NARS2: variants seen among roughly 807,000 people sequenced by gnomAD.
NARS2 encodes the protein asparaginyl-tRNA synthetase.
NARS2 carries 60 observed loss-of-function variants against 62.9 expected under a neutral mutation model. That is an observed-to-expected ratio of 0.95 (90% CI 0.77 to 1.18). The LOEUF is 1.18. NARS2 is among the 50% of genes most tolerant of loss of function. NARS2 has a pLI of 0.00. For synonymous variants in NARS2, 196 were observed against 200.0 expected, an observed-to-expected ratio of 0.98 and a Z score of 0.17; for missense variants, 619 against 576.4, an observed-to-expected ratio of 1.07 and a Z score of -0.76.
chr11:78,492,701 C>T (rs1031407804), intron 7 of NARS2, among the ~76,000 whole-genome samples: 1 of 152,134 alleles, frequency 6.6e-6, no homozygotes, highest in African/African-American at 2.4e-5. Context: ...ATTTAGTGAA[C>T]CTGCTTGTGT....
intron 5 of NARS2, among the ~76,000 whole-genome samples, chr11:78,551,283 C>T (rs528744712): frequency 5.9e-5 from 9 of 152,254 alleles, no homozygotes; most frequent in South Asian, 2.1e-4. Flanking sequence ...TTTACACAGA[C>T]GGGGTATAGC....
chr11:78,436,942 C>T (rs1396031313), intron 13 of NARS2, 128 bp from the exon 14 acceptor site: 1 of 858,830 alleles, frequency 1.2e-6, no homozygotes, highest in Non-Finnish European at 1.8e-6. Flanking sequence ...ATAGACCAGT[C>T]TTTCCCCTCC....
At chr11:78,505,328 G>A (rs1377528225) in intron 6 of NARS2, among the ~76,000 whole-genome samples, 6 of 131,514 alleles carry the variant, frequency 4.6e-5, no homozygotes, top group East Asian at 2.3e-4. Context: ...ACACACATAC[G>A]TATGTATATA....
chr11:78,505,440 C>T (rs1316442646), intron 6 of NARS2, among the ~76,000 whole-genome samples: 1 of 151,328 alleles, frequency 6.6e-6, no homozygotes, highest in Non-Finnish European at 1.5e-5. Flanking sequence ...TTTTTAAATG[C>T]ATTTTCTGAT....
At chr11:78,472,901 G>T (rs1316027334) in intron 9 of NARS2, among the ~76,000 whole-genome samples, 2 of 152,188 alleles carry the variant, frequency 1.3e-5, no homozygotes. Flanking sequence ...TTCTCAACTT[G>T]ATACCTCTGA....
intron 6 of NARS2, among the ~76,000 whole-genome samples, chr11:78,527,971 G>A (rs924748607): frequency 3.3e-5 from 5 of 152,130 alleles, no homozygotes. Context: ...TTAGCTAAGT[G>A]TGCTGGCACA....
chr11:78,564,697 A>T (rs6592794), intron 4 of NARS2, among the ~76,000 whole-genome samples: 1 of 152,074 alleles, frequency 6.6e-6, no homozygotes, highest in Non-Finnish European at 1.5e-5. Context: ...GTATTTTTAC[A>T]ATTGTGTGGT....
intron 6 of NARS2, among the ~76,000 whole-genome samples, chr11:78,512,557 T>C (rs1219343629): frequency 6.6e-6 from 1 of 152,214 alleles, no homozygotes; most frequent in East Asian, 1.9e-4. Flanking sequence ...GATTAGGAAG[T>C]GGAGGCTCGG....
chr11:78,552,253 T>C (rs1278726101), intron 5 of NARS2, among the ~76,000 whole-genome samples: 1 of 152,232 alleles, frequency 6.6e-6, no homozygotes, highest in Non-Finnish European at 1.5e-5. Flanking sequence ...GTATTTAGTT[T>C]TCTGTTCCTG....
chr11:78,516,737 G>A (rs1033719465), intron 6 of NARS2, among the ~76,000 whole-genome samples: 1 of 152,166 alleles, frequency 6.6e-6, no homozygotes, highest in African/African-American at 2.4e-5. Flanking sequence ...CTAATGGGAA[G>A]ATAAGATAAT....
intron 7 of NARS2, among the ~76,000 whole-genome samples, chr11:78,483,753 T>C (rs1224362472): frequency 1.3e-5 from 2 of 151,774 alleles, no homozygotes; most frequent in African/African-American, 2.4e-5. Context: ...CACAAACAAA[T>C]GGAAAAAAAA....
intron 10 of NARS2, among the ~76,000 whole-genome samples, chr11:78,468,310 GAAAA>G (rs764254167): frequency 1.5e-5 from 1 of 67,432 alleles, no homozygotes; most frequent in Admixed American, 1.7e-4. Flanking sequence ...CACTAAATCT[GAAAA>G]AAAAAAAAAA....
intron 5 of NARS2, among the ~76,000 whole-genome samples, chr11:78,537,424 T>C (rs555707893): frequency 3.3e-5 from 5 of 152,276 alleles, no homozygotes; most frequent in Admixed American, 1.3e-4. Context: ...AGCTTCTTTA[T>C]TGCTAAGATG....
chr11:78,548,268 G>C (rs748017741), intron 5 of NARS2, among the ~76,000 whole-genome samples: 1 of 152,162 alleles, frequency 6.6e-6, no homozygotes, highest in Non-Finnish European at 1.5e-5. Flanking sequence ...TTTAACAGGA[G>C]TTGGAACAAG....
At chr11:78,493,674 C>CAAAAAAAAAAAA (rs891436051) in intron 6 of NARS2, among the ~76,000 whole-genome samples, 1 of 102,768 alleles carries the variant, frequency 9.7e-6, no homozygotes, top group Non-Finnish European at 2.1e-5. Flanking sequence ...AACAAACAAA[C>CAAAAAAAAAAAA]AAAAAAAAAA....
At chr11:78,537,547 A>G (rs775016467) in intron 5 of NARS2, among the ~76,000 whole-genome samples, 17 of 152,246 alleles carry the variant, frequency 1.1e-4, no homozygotes, top group Admixed American at 3.3e-4. Context: ...CTATAATCCC[A>G]GCACTTTGGG....
chr11:78,475,730 G>C (rs1342619465), intron 9 of NARS2, among the ~76,000 whole-genome samples: 2 of 151,504 alleles, frequency 1.3e-5, no homozygotes, highest in Admixed American at 1.3e-4. Flanking sequence ...CTGAGTAGCT[G>C]GCACTACAGG....
chr11:78,507,062 A>T (rs1280343638), intron 6 of NARS2, among the ~76,000 whole-genome samples: 1 of 152,018 alleles, frequency 6.6e-6, no homozygotes, highest in African/African-American at 2.4e-5. Flanking sequence ...GGATCCTCCA[A>T]ATACTGGGAA....
intron 9 of NARS2, among the ~76,000 whole-genome samples, chr11:78,476,542 T>C (rs147388958): frequency 4.6e-5 from 7 of 152,338 alleles, no homozygotes; most frequent in African/African-American, 1.2e-4. Context: ...CGTGTCTCAA[T>C]TTCATTCCCA....
Sources: allele counts gnomAD v4.1 joint callset (sites outside exome capture counted in the v4.1 genomes callset), GRCh38; gene constraint gnomAD v4.1.1; transcripts MANE v1.5; gene names NCBI Gene and HGNC (gene_info 2026-07-23, HGNC 2026-07-21).